Variants in ZBTB17 observed in about 807,000 individuals in gnomAD.
The protein encoded by ZBTB17 is zinc finger and BTB domain containing 17.
ZBTB17 carries 24 observed loss-of-function variants against 85.1 expected under a neutral mutation model. The ratio of observed to expected loss-of-function variants is 0.28; its 90% confidence interval spans 0.20 to 0.40. The LOEUF (loss-of-function observed/expected upper bound fraction) is 0.40, where lower values mean the gene tolerates loss of function less well. ZBTB17 is among the 10% of genes least tolerant of loss of function. The probability of loss-of-function intolerance (pLI) is 1.00; values close to 1 mark genes in which losing one functional copy is unlikely to be tolerated. For synonymous variants in ZBTB17, 464 were observed against 460.2 expected, an observed-to-expected ratio of 1.01 and a Z score of -0.11; for missense variants, 743 against 1,105.1, an observed-to-expected ratio of 0.67 and a Z score of 4.65.
rs538886299 is a variant in ZBTB17, at chr1:15,950,931, G to A, written c.-2-2434C>T. On this transcript the variant is annotated intron_variant, in intron 2 of 15. Transcript: ENST00000375743. ...CAGCCATACAGCTGTCCTGGGACTG[G>A]ATGGATGGATGGATGGGTAAGCTAG... is the stretch of plus-strand genomic sequence containing the variant. 1.6e-4 allele frequency among the ~76,000 whole-genome samples: 25 copies of A among 152,174 alleles called. 1 individual carries two copies. The highest frequency in any genetic ancestry group is 5.5e-4 in the African/African-American group (23 of 41,456).
At chr1:15,971,148 C>A (rs1323624411) in intron 2 of ZBTB17, among the ~76,000 whole-genome samples, 1 of 151,898 alleles carries the variant, frequency 6.6e-6, no homozygotes, top group Admixed American at 6.6e-5. Flanking sequence ...ATAGTATGAG[C>A]CTTTGGCACC....
chr1:15,945,285 A>G, intron 6 of ZBTB17, 83 bp from the exon 7 acceptor site: 1 of 1,509,086 alleles, frequency 6.6e-7, no homozygotes, highest in Non-Finnish European at 8.8e-7. Context: ...TGTGGAAGGG[A>G]CAGTAAATGG....
rs777619590 is a variant in ZBTB17 at position 15,943,125 on chromosome 1, G to A, written c.1767C>T (p.Ser589=). ...HHDNIRPHKC[S]VCSKAFVNVG... ...CGTTCACGAAGGCCTTGCTGCACAC[G>A]CTGCACTTGTGTGGGCGGATGTTGT... Residue 589 remains serine (S), a synonymous_variant, in exon 13 of 16, where the codon AGC becomes AGT. Transcript: ENST00000375743. The A allele has an allele frequency of 1.9e-6, 3 of 1,614,128 alleles. No individual in the cohort carries two copies. Among genetic ancestry groups the A allele is most frequent in the South Asian group, 1.1e-5 (1 of 91,086 alleles).
In ZBTB17 at chr1:15,976,047, C is replaced by A. The variant is rs186958118; in HGVS notation, c.-154G>T. ...ACGGCCGCGAGAAGGCCGGGGACGG[C>A]ACTCCAGAGCAGACAAAGGGCGCCG... On this transcript the variant is annotated 5_prime_UTR_variant, in exon 1 of 16. Transcript: ENST00000375743. 683 of 693,656 alleles carry A rather than the reference C, an allele frequency of 9.8e-4. 1 individual carries two copies. In the African/African-American group the frequency reaches 0.011, roughly 11 times the overall value. The allele number at this position is 693,656 out of a possible 1,614,324, so 43.0% of individuals were successfully genotyped here.
At chr1:15,975,463 A>G (rs1301849296) in intron 1 of ZBTB17, among the ~76,000 whole-genome samples, 1 of 152,134 alleles carries the variant, frequency 6.6e-6, no homozygotes. Context: ...TTCACCATCT[A>G]TCAGGTGCTG....
Position 15,941,954 on chromosome 1 carries a change from A to C in ZBTB17, c.*15T>G. On this transcript the variant is annotated 3_prime_UTR_variant, in exon 16 of 16. Coordinates refer to ENST00000375743, the MANE Select transcript of ZBTB17 (RefSeq NM_003443.3). ...GCCATCCATCCTTAAATAAACAGTCAGAAGGGCCGCCAGCTCACTCGGCAG... is the reference window on the plus strand; with the variant it reads ...GCCATCCATCCTTAAATAAACAGTCCGAAGGGCCGCCAGCTCACTCGGCAG... The C allele has an allele frequency of 6.3e-7, 1 of 1,585,516 alleles. No individual in the cohort carries two copies. Among genetic ancestry groups the C allele is most frequent in the Non-Finnish European group, 8.5e-7 (1 of 1,169,946 alleles).
In ZBTB17 at chr1:15,944,690, G is replaced by C. The variant is rs1309345213; in HGVS notation, c.1070+7C>G. The C allele has an allele frequency of 6.2e-7, 1 of 1,606,174 alleles. No homozygotes were observed. The highest frequency in any genetic ancestry group is 1.3e-5 in the African/African-American group (1 of 74,934). ...GGCCGGGGTAGGAGGCCGGCTTGGG[G>C]CAGTACCTGTGCGTCTTCTCATGGG... is the stretch of plus-strand genomic sequence containing the variant. On this transcript the variant is annotated splice_region_variant and intron_variant, in intron 8 of 15. Coordinates refer to ENST00000375743, the MANE Select transcript of ZBTB17 (RefSeq NM_003443.3).
At chr1:15,957,313 A>T (rs2072081472) in intron 2 of ZBTB17, among the ~76,000 whole-genome samples, 1 of 151,670 alleles carries the variant, frequency 6.6e-6, no homozygotes, top group Non-Finnish European at 1.5e-5. Context: ...AGACATGAGA[A>T]GAGCAGATGC....
rs1017224044 is a variant in ZBTB17 at position 15,970,678 on chromosome 1, A to G, written c.-3+2361T>C. ...ATTCTCTTGCCTCAGACTCCTGAGTAGCTGGGATTACAGGCGCCTGCCACT... is the reference window on the plus strand; with the variant it reads ...ATTCTCTTGCCTCAGACTCCTGAGTGGCTGGGATTACAGGCGCCTGCCACT... On this transcript the variant is annotated intron_variant, in intron 2 of 15. Transcript: ENST00000375743. Among the ~76,000 whole-genome samples the G allele has an allele frequency of 3.9e-5, 6 of 152,124 alleles. No homozygotes were observed. In the South Asian group the frequency reaches 1.0e-3, roughly 26 times the overall value.
intron 2 of ZBTB17, among the ~76,000 whole-genome samples, chr1:15,961,282 C>T (rs1557790380): frequency 6.6e-6 from 1 of 152,206 alleles, no homozygotes; most frequent in East Asian, 1.9e-4. Context: ...ACAGTATTAT[C>T]TTTAAGATTT....
chr1:15,944,868 G>C, intron 7 of ZBTB17, 29 bp from the exon 8 acceptor site: 1 of 1,573,852 alleles, frequency 6.4e-7, no homozygotes, highest in African/African-American at 1.3e-5. Context: ...AGCGGGGTGT[G>C]AGGAGCAGCC....
At chr1:15,942,783 A>C (rs2071417727) in intron 13 of ZBTB17, 45 bp from the exon 14 acceptor site, 1 of 1,600,160 alleles carries the variant, frequency 6.2e-7, no homozygotes, top group Non-Finnish European at 8.5e-7. Flanking sequence ...AAGGGGCCGC[A>C]GGGATGGGGT....
chr1:15,956,796 A>C (rs1038615802), intron 2 of ZBTB17, among the ~76,000 whole-genome samples: 2 of 152,200 alleles, frequency 1.3e-5, no homozygotes, highest in Admixed American at 6.5e-5. Context: ...ACAGGTAATA[A>C]ATGGGTATAA....
At chr1:15,968,751 T>C (rs796331253) in intron 2 of ZBTB17, among the ~76,000 whole-genome samples, 15 of 152,340 alleles carry the variant, frequency 9.8e-5, no homozygotes, top group African/African-American at 3.6e-4. Flanking sequence ...AGAGTAGTCC[T>C]TGACTGTCCA....
chr1:15,971,805 T>A (rs1445173188), intron 2 of ZBTB17, among the ~76,000 whole-genome samples: 1 of 151,976 alleles, frequency 6.6e-6, no homozygotes, highest in East Asian at 1.9e-4. Context: ...AAACTGAGGC[T>A]CAGCAATGAA....
At chr1:15,962,967 T>A (rs1384359306) in intron 2 of ZBTB17, among the ~76,000 whole-genome samples, 1 of 151,886 alleles carries the variant, frequency 6.6e-6, no homozygotes, top group African/African-American at 2.4e-5. Flanking sequence ...AATAAAAAAA[T>A]AAAGCAAATC....
chr1:15,955,118 C>T (rs960513435), intron 2 of ZBTB17, among the ~76,000 whole-genome samples: 4 of 152,214 alleles, frequency 2.6e-5, no homozygotes, highest in African/African-American at 9.7e-5. Context: ...CACACCACTG[C>T]ACTCCAGCCT....
Position 15,966,519 on chromosome 1 carries a change from C to T in ZBTB17, c.-3+6520G>A, listed in dbSNP as rs949724172. Among the ~76,000 whole-genome samples the T allele has an allele frequency of 3.7e-4, 57 of 152,286 alleles. No individual in the cohort carries two copies. The highest frequency in any genetic ancestry group is 1.2e-3 in the African/African-American group (51 of 41,556). On this transcript the variant is annotated intron_variant, in intron 2 of 15. Coordinates refer to ENST00000375743, the MANE Select transcript of ZBTB17 (RefSeq NM_003443.3). This position sits in a 1 kb window ranked among gnomAD's most constrained non-coding sequence, Gnocchi z 4.1. ...TGAGTGAACAACTCTCAGTTCTAAC[C>T]ATGCCCTTTGCTTCCTTCCTTTGAA...
Position 15,945,844 on chromosome 1 carries a change from G to C in ZBTB17, c.536-4C>G. On this transcript the variant is annotated splice_region_variant and splice_polypyrimidine_tract_variant and intron_variant, in intron 5 of 15. Coordinates refer to ENST00000375743, the MANE Select transcript of ZBTB17 (RefSeq NM_003443.3). ...GCTTTCTCTGTCTGCTCTGCACCTGGGTGGGGGAAGCACCGGAGGCTGGAT... is the reference window on the plus strand; with the variant it reads ...GCTTTCTCTGTCTGCTCTGCACCTGCGTGGGGGAAGCACCGGAGGCTGGAT... 6.3e-7 allele frequency: 1 copy of C among 1,591,374 alleles called. No homozygotes were observed. Among genetic ancestry groups the C allele is most frequent in the Non-Finnish European group, 8.5e-7 (1 of 1,172,776 alleles).
Sources: allele counts gnomAD v4.1 joint callset (sites outside exome capture counted in the v4.1 genomes callset), GRCh38; gene constraint gnomAD v4.1.1; non-coding constraint Gnocchi (gnomAD v3.1); transcripts MANE v1.5; gene names NCBI Gene and HGNC (gene_info 2026-07-23, HGNC 2026-07-21).